KCNT2: variants seen among roughly 807,000 people sequenced by gnomAD.
KCNT2 encodes potassium channel subfamily T member 2.
Under a neutral mutation model 153.8 loss-of-function variants are expected in KCNT2, and 67 were observed. The ratio of observed to expected loss-of-function variants is 0.44; its 90% CI spans 0.36 to 0.53. KCNT2 has a LOEUF of 0.53. Among genes scored for constraint, KCNT2 ranks in the 20% least tolerant of loss-of-function variants. The probability of loss-of-function intolerance (pLI) is 0.00; values close to 1 mark genes in which losing one functional copy is unlikely to be tolerated. For missense variants in KCNT2, 975 were observed against 1,354.8 expected (o/e 0.72, Z 4.40); for synonymous variants, 500 against 458.8 (o/e 1.09, Z -1.15).
intron 14 of KCNT2, among the ~76,000 whole-genome samples, chr1:196,346,139 A>C (rs942249488): frequency 3.3e-5 from 5 of 152,136 alleles, no homozygotes; most frequent in African/African-American, 9.7e-5. Context: ...AATGCATCAC[A>C]AAAAGGCAAA....
intron 1 of KCNT2, among the ~76,000 whole-genome samples, chr1:196,550,244 G>A (rs1434929078): frequency 1.3e-5 from 2 of 151,782 alleles, no homozygotes; most frequent in African/African-American, 2.4e-5. Context: ...CAAAATGTAT[G>A]TGCACTTTCT....
intron 25 of KCNT2, among the ~76,000 whole-genome samples, chr1:196,261,044 T>C (rs1656976506): frequency 1.3e-5 from 2 of 151,898 alleles, no homozygotes; most frequent in African/African-American, 4.8e-5. Flanking sequence ...TGTGTGTGTG[T>C]GTTTGTGTGT....
chr1:196,289,533 T>C (rs551420252), intron 22 of KCNT2, among the ~76,000 whole-genome samples: 1 of 152,166 alleles, frequency 6.6e-6, no homozygotes, highest in South Asian at 2.1e-4. Context: ...CAAAAGACAA[T>C]TTATTGCATA....
chr1:196,257,055 T>C (rs2147775255), intron 26 of KCNT2: 1 of 156,136 alleles, frequency 6.4e-6, no homozygotes, highest in East Asian at 1.9e-4. Flanking sequence ...ATGAACTATA[T>C]ATGGAGTCCT....
At chr1:196,469,421 A>G (rs1277247485) in intron 5 of KCNT2, among the ~76,000 whole-genome samples, 1 of 152,194 alleles carries the variant, frequency 6.6e-6, no homozygotes, top group Non-Finnish European at 1.5e-5. Context: ...TTTACTTACT[A>G]TAATAATGAT....
intron 12 of KCNT2, among the ~76,000 whole-genome samples, chr1:196,399,108 T>A (rs1457741001): frequency 6.7e-6 from 1 of 149,648 alleles, no homozygotes; most frequent in Non-Finnish European, 1.5e-5. Context: ...TGTGTGTGTG[T>A]GTGTGTCTGT....
chr1:196,358,257 C>G (rs958678616), intron 14 of KCNT2, among the ~76,000 whole-genome samples: 1 of 151,492 alleles, frequency 6.6e-6, no homozygotes, highest in Non-Finnish European at 1.5e-5. Flanking sequence ...TAAATTTCAG[C>G]AATCACTCTT....
intron 1 of KCNT2, among the ~76,000 whole-genome samples, chr1:196,573,419 A>C (rs1558093375): frequency 6.6e-6 from 1 of 152,038 alleles, no homozygotes; most frequent in Non-Finnish European, 1.5e-5. Context: ...CACTACATTT[A>C]ATTGCTGAAT....
At chr1:196,574,192 T>C (rs1285912939) in intron 1 of KCNT2, among the ~76,000 whole-genome samples, 1 of 151,992 alleles carries the variant, frequency 6.6e-6, no homozygotes. Context: ...TTATGAAGCA[T>C]AAATAAGAGT....
At chr1:196,240,095 C>A (rs1654814230) in intron 26 of KCNT2, among the ~76,000 whole-genome samples, 1 of 151,982 alleles carries the variant, frequency 6.6e-6, no homozygotes, top group African/African-American at 2.4e-5. Flanking sequence ...TTTTTTATGG[C>A]AGCCCTAGTA....
At chr1:196,352,868 CT>C (rs1359836431) in intron 14 of KCNT2, among the ~76,000 whole-genome samples, 1 of 152,108 alleles carries the variant, frequency 6.6e-6, no homozygotes, top group African/African-American at 2.4e-5. Flanking sequence ...CCTCTACACA[CT>C]GCTTTGAATG....
chr1:196,294,396 C>G (rs979119739), intron 22 of KCNT2, among the ~76,000 whole-genome samples: 2 of 152,112 alleles, frequency 1.3e-5, no homozygotes, highest in African/African-American at 2.4e-5. Flanking sequence ...CTGTCTCAGC[C>G]TCCCGAGTAG....
At chr1:196,325,730 C>T (rs983475200) in intron 19 of KCNT2, among the ~76,000 whole-genome samples, 4 of 152,026 alleles carry the variant, frequency 2.6e-5, no homozygotes, top group Non-Finnish European at 5.9e-5. Context: ...GTAATCATAT[C>T]TGAAAATTCT....
chr1:196,247,837 G>A (rs1285365663), intron 26 of KCNT2, among the ~76,000 whole-genome samples: 1 of 152,118 alleles, frequency 6.6e-6, no homozygotes, highest in Non-Finnish European at 1.5e-5. Flanking sequence ...TCCAATGGCT[G>A]CACAGTACAC....
intron 22 of KCNT2, among the ~76,000 whole-genome samples, chr1:196,289,310 C>T (rs1265533326): frequency 1.3e-5 from 2 of 151,904 alleles, no homozygotes; most frequent in African/African-American, 4.8e-5. Context: ...CCTGTTAAAA[C>T]TTTCATAGCT....
chr1:196,328,227 TAA>T (rs1191896043), intron 18 of KCNT2, among the ~76,000 whole-genome samples: 1 of 151,958 alleles, frequency 6.6e-6, no homozygotes, highest in Non-Finnish European at 1.5e-5. Flanking sequence ...CTTCTTGAAG[TAA>T]AGAGTGTAAC....
At chr1:196,500,212 G>T (rs907931242) in intron 1 of KCNT2, among the ~76,000 whole-genome samples, 1 of 131,166 alleles carries the variant, frequency 7.6e-6, no homozygotes, top group Non-Finnish European at 1.5e-5. Context: ...GGGGGAGAGA[G>T]AGAGAGAGAG....
At chr1:196,338,392 T>C (rs531116780) in intron 16 of KCNT2, among the ~76,000 whole-genome samples, 23 of 151,848 alleles carry the variant, frequency 1.5e-4, no homozygotes, top group Non-Finnish European at 3.2e-4. Context: ...ATAAAGAAAA[T>C]GATGAAGTAA....
intron 25 of KCNT2, among the ~76,000 whole-genome samples, chr1:196,275,582 C>A (rs948142164): frequency 6.6e-6 from 1 of 151,840 alleles, no homozygotes; most frequent in Non-Finnish European, 1.5e-5. Flanking sequence ...ACTCCCACAG[C>A]CAAAGCAGTT....
Sources: allele counts gnomAD v4.1 joint callset (sites outside exome capture counted in the v4.1 genomes callset), GRCh38; gene constraint gnomAD v4.1.1; transcripts MANE v1.5; gene names NCBI Gene and HGNC (gene_info 2026-07-23, HGNC 2026-07-21).